The following MACF1 variants were observed in gnomAD, a reference collection of about 807,000 sequenced individuals.
The protein encoded by MACF1 is microtubule-actin cross-linking factor 1.
MACF1 carries 193 observed loss-of-function variants against 854.8 expected under a neutral mutation model. That is an observed-to-expected ratio of 0.23 (90% CI 0.20 to 0.25). The LOEUF (loss-of-function observed/expected upper bound fraction) is 0.25. Ranked by LOEUF, MACF1 falls within the 10% of genes least tolerant of loss-of-function variation. The pLI is 1.00. For missense variants in MACF1, 7,722 were observed against 8,929.1 expected (o/e 0.86, Z 5.45); for synonymous variants, 3,185 against 3,226.7 (o/e 0.99, Z 0.44).
intron 38 of MACF1, among the ~76,000 whole-genome samples, chr1:39,339,503 T>C (rs979957241): frequency 6.6e-6 from 1 of 151,188 alleles, no homozygotes; most frequent in African/African-American, 2.5e-5. Flanking sequence ...ACAGTTTCAG[T>C]GGAGTGACGG....
At position 39,453,746 on chromosome 1, in the gene MACF1, A is replaced by C. The variant is rs746344533; in HGVS notation, c.20782A>C (p.Asn6928His). ...KKVEEKRVDV[N>H]SAVAMGEVIL... ...AGTAGAAGAAAAGCGAGTGGACGTT[A>C]ACTCAGCAGTAGCCATGGGAGAAGT... The change falls in exon 88 of 101, where the codon AAC becomes CAC. Residue 6928 changes from asparagine to histidine, a missense_variant. Physicochemically the swap from Asn to His is moderately conservative, Grantham distance 68. This residue lies in a region of MACF1 where 729 missense variants were observed against 900.5 expected (regional missense o/e 0.81). Transcript: ENST00000564288. The C allele has an allele frequency of 7.4e-6, 12 of 1,614,208 alleles. No individual in the cohort carries two copies. Among genetic ancestry groups the C allele is most frequent in the Middle Eastern group, 1.6e-4 (1 of 6,062 alleles).
At chr1:39,245,300 T>C (rs538931569) in intron 2 of MACF1, among the ~76,000 whole-genome samples, 1 of 152,302 alleles carries the variant, frequency 6.6e-6, no homozygotes, top group African/African-American at 2.4e-5. Flanking sequence ...TTTATTATTA[T>C]TATTTTTGAG....
intron 1 of MACF1, among the ~76,000 whole-genome samples, chr1:39,213,363 G>C (rs1251069020): frequency 6.6e-6 from 1 of 151,916 alleles, no homozygotes; most frequent in South Asian, 2.1e-4. Flanking sequence ...AGAGAGTCTC[G>C]CTCTGTGGCC....
chr1:39,170,349 A>G (rs1374075825), intron 2 of MACF1, among the ~76,000 whole-genome samples: 1 of 152,198 alleles, frequency 6.6e-6, no homozygotes, highest in African/African-American at 2.4e-5. Context: ...TGCTCCTTAC[A>G]GAGCACTTAT....
At chr1:39,368,039 TG>T in intron 49 of MACF1, 108 bp from the exon 50 acceptor site, 1 of 737,932 alleles carries the variant, frequency 1.4e-6, no homozygotes, top group South Asian at 2.6e-5. Flanking sequence ...GCATATTTAT[TG>T]TTTTGATCTA....
intron 58 of MACF1, chr1:39,414,251 TGGA>T: frequency 6.2e-7 from 1 of 1,614,050 alleles, no homozygotes. Flanking sequence ...GTGCCTCCTA[TGGA>T]GGAAGTTTCC....
chr1:39,136,105 A>C (rs1318265232), intron 2 of MACF1, among the ~76,000 whole-genome samples: 1 of 152,218 alleles, frequency 6.6e-6, no homozygotes, highest in East Asian at 1.9e-4. Flanking sequence ...TTGACACAGT[A>C]AGGGAGCTAC....
chr1:39,204,809 A>G lies in MACF1; in HGVS notation c.-214A>G, dbSNP rs1240732271. ...GTTTCCTGGGCTTTGTCTGAGATAC[A>G]CTGTACAGTTTTAGTCCCAGTCTAC... On this transcript the variant is annotated 5_prime_UTR_variant, in exon 1 of 101. Coordinates refer to ENST00000564288, the MANE Select transcript of MACF1 (RefSeq NM_001394062.1). 1.5e-5 allele frequency: 8 copies of G among 540,774 alleles called. No individual in the cohort carries two copies. Among genetic ancestry groups the G allele is most frequent in the Non-Finnish European group, 2.0e-5 (6 of 301,964 alleles). 33.5% of individuals were successfully genotyped at this position (540,774 alleles called of 1,614,324 possible). A position where few individuals can be genotyped will look rare whatever the true frequency, so the allele number is the denominator to read the frequency against.
chr1:39,106,711 C>T (rs1642249358), intron 2 of MACF1, among the ~76,000 whole-genome samples: 1 of 152,082 alleles, frequency 6.6e-6, no homozygotes, highest in South Asian at 2.1e-4. Context: ...ACTTCAGCCC[C>T]TATGACTGAG....
intron 2 of MACF1, among the ~76,000 whole-genome samples, chr1:39,174,595 T>G (rs1266279464): frequency 6.6e-6 from 1 of 152,150 alleles, no homozygotes; most frequent in East Asian, 1.9e-4. Context: ...TCATAGAGGC[T>G]CAGTGTCTTC....
chr1:39,331,012 G>T (rs1029293358), intron 36 of MACF1, 191 bp from the exon 37 acceptor site: 1 of 652,312 alleles, frequency 1.5e-6, no homozygotes, highest in East Asian at 3.3e-5. Context: ...TGTTGGTCAG[G>T]CTGGTCTCAG....
chr1:39,370,200 G>C lies in MACF1; in HGVS notation c.13095+14G>C. 1 of 1,596,968 alleles carries C rather than the reference G, an allele frequency of 6.3e-7. No homozygotes were observed. Among genetic ancestry groups the C allele is most frequent in the Non-Finnish European group, 8.5e-7 (1 of 1,170,778 alleles). On this transcript the variant is annotated intron_variant, in intron 51 of 100. Coordinates refer to ENST00000564288, the MANE Select transcript of MACF1 (RefSeq NM_001394062.1). ...GAACACCTGAAGGTAGGTGAACAAA[G>C]GGACTCCAAGAATTGGGCTAGGCAC... is the stretch of plus-strand genomic sequence containing the variant.
Position 39,105,778 on chromosome 1 carries a change from C to T in MACF1, c.220+21340C>T. 9.7e-7 allele frequency: 1 copy of T among 1,029,844 alleles called. No individual in the cohort carries two copies. Among genetic ancestry groups the T allele is most frequent in the Non-Finnish European group, 1.2e-6 (1 of 856,130 alleles). 63.8% of individuals were successfully genotyped at this position (1,029,844 alleles called of 1,614,324 possible). On this transcript the variant is annotated intron_variant, in intron 2 of 93. Coordinates refer to the MACF1 transcript ENST00000361689. The surrounding 1 kb of genome is among the most constrained non-coding windows in gnomAD (Gnocchi z 5.9). ...GGCCGGCGCAGCGTGGCCTTCGGAG[C>T]CGGTCGGCTCGGCGGCTGCAGGTGG...
chr1:39,245,133 C>T (rs1268059243), intron 2 of MACF1, among the ~76,000 whole-genome samples: 1 of 152,190 alleles, frequency 6.6e-6, no homozygotes. Context: ...ACAGGTATAA[C>T]ACATAACCAG....
At chr1:39,149,393 C>T (rs1406609279) in intron 2 of MACF1, among the ~76,000 whole-genome samples, 4 of 151,848 alleles carry the variant, frequency 2.6e-5, no homozygotes, top group South Asian at 2.1e-4. Context: ...CATGGCAGTG[C>T]GTGCCTGTAA....
At position 39,424,015 on chromosome 1, in the gene MACF1, C is replaced by T; in HGVS notation, c.16150-13C>T. ...TGATCCTGTGTTACAGCTTTTCATT[C>T]TCTTTATAATAGTTGCTCCAGCGGC... On this transcript the variant is annotated splice_polypyrimidine_tract_variant and intron_variant, in intron 60 of 100. Transcript: ENST00000564288. 1.3e-6 allele frequency: 2 copies of T among 1,576,782 alleles called. No homozygotes were observed. The highest frequency in any genetic ancestry group is 1.7e-6 in the Non-Finnish European group (2 of 1,159,832).
intron 6 of MACF1, among the ~76,000 whole-genome samples, chr1:39,277,292 A>C (rs1230098160): frequency 2.0e-5 from 3 of 152,238 alleles, no homozygotes; most frequent in African/African-American, 7.2e-5. Flanking sequence ...TATTTTCTAG[A>C]AAATTCACTA....
chr1:39,444,267 G>A (rs1443325721), intron 79 of MACF1, among the ~76,000 whole-genome samples: 2 of 151,962 alleles, frequency 1.3e-5, no homozygotes, highest in Admixed American at 6.6e-5. Context: ...CCCGGGAGGC[G>A]GAGCTTGCAG....
At chr1:39,219,775 G>A (rs1362140473) in intron 1 of MACF1, among the ~76,000 whole-genome samples, 2 of 152,138 alleles carry the variant, frequency 1.3e-5, no homozygotes, top group Non-Finnish European at 2.9e-5. Flanking sequence ...TTTTGAGATG[G>A]AGTCTCACTC....
Sources: gnomAD v4.1 joint callset for allele counts (sites outside exome capture counted in the v4.1 genomes callset) on GRCh38, gnomAD v4.1.1 for gene constraint, gnomAD v4.1.1 regional missense constraint, Gnocchi (gnomAD v3.1) non-coding constraint, MANE v1.5 for transcripts, NCBI Gene and HGNC (gene_info 2026-07-23, HGNC 2026-07-21) for gene names.